TESK2: variants seen among roughly 807,000 people sequenced by gnomAD.
TESK2 encodes the protein testis associated actin remodelling kinase 2.
Under a neutral mutation model 57.1 loss-of-function variants are expected in TESK2, and 39 were observed. The ratio of observed to expected loss-of-function variants is 0.68; its 90% CI spans 0.53 to 0.89. The LOEUF is 0.89. TESK2 is among the 40% of genes least tolerant of loss of function. The pLI is 0.00. For missense variants in TESK2, 646 were observed against 732.1 expected (o/e 0.88, Z 1.36); for synonymous variants, 249 against 267.9 (o/e 0.93, Z 0.69).
chr1:45,415,170 G>C, intron 3 of TESK2: 2 of 1,520,652 alleles, frequency 1.3e-6, no homozygotes, highest in African/African-American at 1.4e-5. Flanking sequence ...TGGTTATAAG[G>C]GTTCCTGCTT....
chr1:45,366,657 G>T (rs575150679), intron 4 of TESK2, among the ~76,000 whole-genome samples: 1 of 152,108 alleles, frequency 6.6e-6, no homozygotes, highest in East Asian at 1.9e-4. Context: ...GTAAAACTCA[G>T]TGAAATTGTT....
intron 4 of TESK2, among the ~76,000 whole-genome samples, chr1:45,361,148 T>C (rs1166207453): frequency 6.6e-6 from 1 of 152,164 alleles, no homozygotes; most frequent in African/African-American, 2.4e-5. Context: ...CTGTGCCCAT[T>C]AGCTGGAATG....
rs1413085179 is a variant in TESK2, at chr1:45,345,398, G to C, written c.1158C>G (p.Tyr386Ter). The C allele has an allele frequency of 6.2e-7, 1 of 1,614,118 alleles. No individual in the cohort carries two copies. The highest frequency in any genetic ancestry group is 8.5e-7 in the Non-Finnish European group (1 of 1,180,038). ...PPRTVSVLDP[Y>*]YRPRDGAART... is the part of the protein sequence containing the mutation. ...GGGCAGCACCATCTCGTGGCCGGTA[G>C]TATGGGTCCAAGACACTCACTGTAC... The change falls in exon 11 of 11, where the codon TAC becomes TAG. Residue 386 changes from tyrosine (Y) to a stop codon, truncating the protein, a stop_gained. Transcript: ENST00000372086. LOFTEE classifies it high-confidence loss of function.
intron 4 of TESK2, among the ~76,000 whole-genome samples, chr1:45,381,167 A>T (rs1227646001): frequency 6.6e-6 from 1 of 152,228 alleles, no homozygotes; most frequent in African/African-American, 2.4e-5. Context: ...AATAGTTGTT[A>T]TGGTTTAAGA....
chr1:45,361,555 T>C (rs1335698617), intron 4 of TESK2, among the ~76,000 whole-genome samples: 1 of 151,926 alleles, frequency 6.6e-6, no homozygotes, highest in Non-Finnish European at 1.5e-5. Context: ...AATAACAGAG[T>C]TTCTTCCATT....
chr1:45,391,567 T>A (rs553053953), intron 3 of TESK2, among the ~76,000 whole-genome samples: 7 of 152,304 alleles, frequency 4.6e-5, no homozygotes, highest in Admixed American at 2.0e-4. Flanking sequence ...TGGAACACAG[T>A]AAGCTAGTTA....
intron 2 of TESK2, among the ~76,000 whole-genome samples, chr1:45,433,644 C>T (rs1328257551): frequency 1.3e-5 from 2 of 152,134 alleles, no homozygotes; most frequent in African/African-American, 4.8e-5. Flanking sequence ...AATAGTGATC[C>T]ATTTTTTATA....
At chr1:45,445,624 CAAAAA>C (rs747691865) in intron 2 of TESK2, among the ~76,000 whole-genome samples, 3 of 108,094 alleles carry the variant, frequency 2.8e-5, no homozygotes, top group African/African-American at 3.5e-5. Flanking sequence ...CTGTCTCTAC[CAAAAA>C]AAAAAAAAAA....
intron 4 of TESK2, among the ~76,000 whole-genome samples, chr1:45,360,016 G>A (rs759467069): frequency 1.5e-4 from 23 of 152,194 alleles, no homozygotes; most frequent in Admixed American, 4.6e-4. Context: ...CGTCGGACCA[G>A]TTTTGGCAAG....
chr1:45,408,861 G>T (rs1649941011), intron 3 of TESK2, among the ~76,000 whole-genome samples: 1 of 152,092 alleles, frequency 6.6e-6, no homozygotes, highest in Non-Finnish European at 1.5e-5. Flanking sequence ...ATGTTCACTA[G>T]TATGAAGTAT....
At chr1:45,377,294 G>A (rs1020368303) in intron 4 of TESK2, among the ~76,000 whole-genome samples, 1 of 151,222 alleles carries the variant, frequency 6.6e-6, no homozygotes, top group South Asian at 2.1e-4. Context: ...TGAAGAGAAA[G>A]AAAAATAATC....
intron 3 of TESK2, among the ~76,000 whole-genome samples, chr1:45,397,236 C>T (rs1649407506): frequency 6.6e-6 from 1 of 152,116 alleles, no homozygotes; most frequent in Non-Finnish European, 1.5e-5. Flanking sequence ...TTTATTATCC[C>T]AATCATACCA....
intron 2 of TESK2, 100 bp from the exon 3 acceptor site, chr1:45,421,946 A>T (rs1650497308): frequency 7.7e-7 from 1 of 1,303,746 alleles, no homozygotes; most frequent in Non-Finnish European, 1.1e-6. Flanking sequence ...TTTTTGTGCC[A>T]CTTTAGATAA....
Position 45,351,939 on chromosome 1 carries a change from A to C in TESK2, c.540+3364T>G, listed in dbSNP as rs561621804. ...GTGGGAGATACAGACACAACAGAACAATCAAGTGATATGGAGTGTATAATA... is the reference window on the plus strand; with the variant it reads ...GTGGGAGATACAGACACAACAGAACCATCAAGTGATATGGAGTGTATAATA... On this transcript the variant is annotated intron_variant, in intron 5 of 10. Coordinates refer to ENST00000372086, the MANE Select transcript of TESK2 (RefSeq NM_007170.3). Among the ~76,000 whole-genome samples the C allele has an allele frequency of 8.5e-5, 13 of 152,340 alleles. No individual in the cohort carries two copies. In the South Asian group the frequency reaches 2.7e-3, roughly 32 times the overall value.
At chr1:45,442,013 C>T (rs144318331) in intron 2 of TESK2, among the ~76,000 whole-genome samples, 10 of 152,132 alleles carry the variant, frequency 6.6e-5, no homozygotes, top group East Asian at 1.9e-4. Context: ...CTCGGCTCAC[C>T]GCAACCTCCA....
At position 45,382,284 on chromosome 1, in the gene TESK2, G is replaced by C. The variant is rs1254581387; in HGVS notation, c.393+3628C>G. On this transcript the variant is annotated intron_variant, in intron 4 of 10. Transcript: ENST00000372086. ...AACAGGGTCTTGCTCTGTCACCAAG[G>C]CTGGAATACAGTAGTGCAAGTATGG... Among the ~76,000 whole-genome samples, 4 of 151,554 alleles carry C rather than the reference G, an allele frequency of 2.6e-5. No individual in the cohort carries two copies. The East Asian group carries it at 8.0e-4, about 30-fold the overall frequency.
chr1:45,385,737 A>ATATATATATATATATATAT (rs1557552027), intron 4 of TESK2, among the ~76,000 whole-genome samples, 175 bp downstream of exon 4: 1 of 125,420 alleles, frequency 8.0e-6, no homozygotes, highest in African/African-American at 3.4e-5. Context: ...TATATATATA[A>ATATATATATATATATATAT]AGAAATACTG....
At chr1:45,369,977 C>T (rs1209546672) in intron 4 of TESK2, among the ~76,000 whole-genome samples, 1 of 152,258 alleles carries the variant, frequency 6.6e-6, no homozygotes, top group East Asian at 1.9e-4. Flanking sequence ...TCCCAAAGTG[C>T]TGGGATTACA....
intron 3 of TESK2, among the ~76,000 whole-genome samples, chr1:45,403,230 T>TG (rs371244221): frequency 0.06 from 6,966 of 115,568 alleles, 589 homozygotes; most frequent in African/African-American, 0.21. Flanking sequence ...TGAGCCGTGA[T>TG]GGGAAAAAAA....
Sources: gnomAD v4.1 joint callset for allele counts (sites outside exome capture counted in the v4.1 genomes callset) on GRCh38, gnomAD v4.1.1 for gene constraint, MANE v1.5 for transcripts, NCBI Gene and HGNC (gene_info 2026-07-23, HGNC 2026-07-21) for gene names.